Variants in SAXO1 observed in about 807,000 individuals in gnomAD.
SAXO1 encodes the protein stabilizer of axonemal microtubules 1.
SAXO1 carries 21 observed loss-of-function variants against 17.5 expected under a neutral mutation model. The ratio of observed to expected loss-of-function variants is 1.20; its 90% confidence interval spans 0.85 to 1.72. SAXO1 has a LOEUF of 1.72. Ranked by LOEUF, SAXO1 falls within the 40% of genes most tolerant of loss-of-function variation. SAXO1 has a pLI of 0.00. For synonymous variants in SAXO1, 274 were observed against 216.5 expected, an observed-to-expected ratio of 1.27 and a Z score of -2.33; for missense variants, 843 against 596.0, an observed-to-expected ratio of 1.41 and a Z score of -4.32.
At chr9:19,029,547 C>G (rs1835663469) in intron 1 of SAXO1, among the ~76,000 whole-genome samples, 1 of 152,132 alleles carries the variant, frequency 6.6e-6, no homozygotes, top group Non-Finnish European at 1.5e-5. Flanking sequence ...CGCTCCATCC[C>G]AACCGGTCAC....
chr9:18,968,458 C>A (rs990792445), intron 1 of SAXO1, among the ~76,000 whole-genome samples: 3 of 152,186 alleles, frequency 2.0e-5, no homozygotes, highest in Admixed American at 6.5e-5. Context: ...TTTAAATTCT[C>A]TTAAGTTTGT....
intron 1 of SAXO1, among the ~76,000 whole-genome samples, chr9:18,992,845 C>T (rs1413899444): frequency 3.3e-5 from 5 of 151,946 alleles, no homozygotes; most frequent in South Asian, 2.1e-4. Context: ...CTCAGCTCAC[C>T]GCAACCTCCA....
chr9:18,998,949 A>C (rs1028924901), intron 1 of SAXO1, among the ~76,000 whole-genome samples: 1 of 152,252 alleles, frequency 6.6e-6, no homozygotes, highest in African/African-American at 2.4e-5. Flanking sequence ...AGAGCTCCTG[A>C]AGGAAGCACT....
chr9:19,009,217 T>A (rs1834618540), intron 1 of SAXO1, among the ~76,000 whole-genome samples: 1 of 147,926 alleles, frequency 6.8e-6, no homozygotes, highest in East Asian at 2.0e-4. Context: ...AAAAAAAATC[T>A]TCACATTGTT....
intron 1 of SAXO1, among the ~76,000 whole-genome samples, chr9:19,011,242 C>T (rs921058559): frequency 1.5e-4 from 23 of 152,222 alleles, no homozygotes; most frequent in Admixed American, 4.6e-4. Flanking sequence ...CATTTTCTGA[C>T]TGTCCCATTT....
chr9:18,936,198 T>C (rs1011203570), intron 3 of SAXO1, among the ~76,000 whole-genome samples: 1 of 152,178 alleles, frequency 6.6e-6, no homozygotes, highest in African/African-American at 2.4e-5. Context: ...AAGTTTATTT[T>C]AGGCTGATAA....
At chr9:18,961,740 A>G (rs1165800589) in intron 1 of SAXO1, among the ~76,000 whole-genome samples, 1 of 152,114 alleles carries the variant, frequency 6.6e-6, no homozygotes, top group Non-Finnish European at 1.5e-5. Context: ...TCTATCATTG[A>G]TGGGCATTTG....
chr9:18,973,461 G>C (rs1174967957), intron 1 of SAXO1, among the ~76,000 whole-genome samples: 3 of 152,204 alleles, frequency 2.0e-5, no homozygotes, highest in Non-Finnish European at 2.9e-5. Context: ...ATTTTCTCTA[G>C]AGCGTTGCCT....
chr9:18,941,741 T>G lies in SAXO1; in HGVS notation c.317A>C (p.Lys106Thr). 6.2e-7 allele frequency: 1 copy of G among 1,613,932 alleles called. No homozygotes were observed. The highest frequency in any genetic ancestry group is 1.1e-5 in the South Asian group (1 of 91,082). ...GACAGGGTAGGGATTGTAATCTTTC[T>G]TATACGTCGTGAGCAAATCCATATT... ...EENMDLLTTY[K>T]KDYNPYPVCR... Residue 106 changes from lysine to threonine, a missense_variant, in exon 3 of 4, where the codon AAG (lysine) becomes ACG (threonine). Coordinates refer to ENST00000380534, the MANE Select transcript of SAXO1 (RefSeq NM_153707.4).
chr9:18,950,923 G>C lies in SAXO1; in HGVS notation c.53C>G (p.Pro18Arg), dbSNP rs776817030. 61 of 1,611,972 alleles carry C rather than the reference G, an allele frequency of 3.8e-5. No homozygotes were observed. Among genetic ancestry groups the C allele is most frequent in the Non-Finnish European group, 5.0e-5 (59 of 1,179,396 alleles). Residue 18 changes from proline (P) to arginine (R), a missense_variant, in exon 2 of 4, where the codon CCA (proline) becomes CGA (arginine). Physicochemically the swap from Pro to Arg is moderately radical, Grantham distance 103. Transcript: ENST00000380534. ...ELCSCGRHHC[P>R]HLPTKIYDKT... ...ATCATAAATCTTGGTAGGGAGATGTGGACAGTGATGCCGCCTATAAAAGAC... is the reference window on the plus strand; with the variant it reads ...ATCATAAATCTTGGTAGGGAGATGTCGACAGTGATGCCGCCTATAAAAGAC...
chr9:18,929,543 G>A (rs557505619), intron 3 of SAXO1, among the ~76,000 whole-genome samples: 1 of 152,206 alleles, frequency 6.6e-6, no homozygotes, highest in East Asian at 1.9e-4. Flanking sequence ...ACAGCCCACT[G>A]TGTCCCTGTA....
intron 1 of SAXO1, among the ~76,000 whole-genome samples, chr9:19,040,025 G>A (rs888944897): frequency 2.0e-5 from 3 of 151,966 alleles, no homozygotes; most frequent in Admixed American, 6.6e-5. Flanking sequence ...CACTGTACAT[G>A]GCCTGGAATT....
At position 19,000,983 on chromosome 9, in the gene SAXO1, A is replaced by C. The variant is rs142990552; in HGVS notation, c.38+31888T>G. Among the ~76,000 whole-genome samples, 532 of 152,320 alleles carry C rather than the reference A, an allele frequency of 3.5e-3. 1 individual carries two copies. The highest frequency in any genetic ancestry group is 0.012 in the African/African-American group (508 of 41,562). On this transcript the variant is annotated intron_variant, in intron 1 of 3. Coordinates refer to ENST00000380534, the MANE Select transcript of SAXO1 (RefSeq NM_153707.4). ...AAGACACTTAGACTCCCACACAATA[A>C]TAATGGAAGACTTTAACACCCCACT...
At chr9:18,972,602 A>G (rs1420222155) in intron 1 of SAXO1, among the ~76,000 whole-genome samples, 1 of 152,218 alleles carries the variant, frequency 6.6e-6, no homozygotes, top group Non-Finnish European at 1.5e-5. Context: ...CTACATGAAC[A>G]GTCTAGGGCT....
chr9:18,965,033 C>A (rs1832656966), intron 1 of SAXO1, among the ~76,000 whole-genome samples: 1 of 152,172 alleles, frequency 6.6e-6, no homozygotes, highest in African/African-American at 2.4e-5. Flanking sequence ...CATTCAGGAG[C>A]AGGTTGTTCA....
chr9:18,980,098 G>GA (rs1833312843), intron 1 of SAXO1, among the ~76,000 whole-genome samples: 2 of 152,162 alleles, frequency 1.3e-5, no homozygotes, highest in African/African-American at 4.8e-5. Context: ...GAACATGCTG[G>GA]ACTTGCTCAA....
chr9:19,004,305 C>G (rs1834403260), intron 1 of SAXO1, among the ~76,000 whole-genome samples: 1 of 152,168 alleles, frequency 6.6e-6, no homozygotes, highest in African/African-American at 2.4e-5. Context: ...ATTAGTTCAA[C>G]CATTGTGGAA....
intron 1 of SAXO1, among the ~76,000 whole-genome samples, chr9:19,020,344 A>AT (rs770936586): frequency 0.014 from 1,604 of 111,310 alleles, 27 homozygotes; most frequent in South Asian, 0.044. Context: ...TGTCGAAATA[A>AT]TTTTTTTTTT....
upstream of SAXO1, among the ~76,000 whole-genome samples, chr9:19,037,707 A>C (rs1330680800): frequency 6.6e-6 from 1 of 152,138 alleles, no homozygotes; most frequent in East Asian, 1.9e-4. Context: ...AAATTGACTA[A>C]TACACCATCT....
Sources: gnomAD v4.1 joint callset for allele counts (sites outside exome capture counted in the v4.1 genomes callset) on GRCh38, gnomAD v4.1.1 for gene constraint, MANE v1.5 for transcripts, NCBI Gene and HGNC (gene_info 2026-07-23, HGNC 2026-07-21) for gene names.